NSMCE2: variants seen among roughly 807,000 people sequenced by gnomAD.
NSMCE2 encodes the protein NSE2 SUMO ligase component of SMC5/6 complex.
NSMCE2 carries 24 observed loss-of-function variants against 23.8 expected under a neutral mutation model. The observed-to-expected ratio is 1.01, with a 90% confidence interval of 0.73 to 1.42. NSMCE2 has a LOEUF of 1.42. Ranked by LOEUF, NSMCE2 falls within the 40% of genes most tolerant of loss-of-function variation. NSMCE2 has a pLI of 0.00. For synonymous variants in NSMCE2, 92 were observed against 94.1 expected, an observed-to-expected ratio of 0.98 and a Z score of 0.13; for missense variants, 284 against 296.5, an observed-to-expected ratio of 0.96 and a Z score of 0.31.
chr8:125,305,743 A>T (rs1396281884), intron 5 of NSMCE2, among the ~76,000 whole-genome samples: 1 of 152,158 alleles, frequency 6.6e-6, no homozygotes, highest in Non-Finnish European at 1.5e-5. Flanking sequence ...TCATATACCT[A>T]TATGCAGTGT....
At chr8:125,102,530 C>T in intron 3 of NSMCE2, 43 bp downstream of exon 3, 2 of 1,518,138 alleles carry the variant, frequency 1.3e-6, no homozygotes, top group Non-Finnish European at 1.8e-6. Context: ...TTTGAGGTAA[C>T]ACTGTGTGGT....
At chr8:125,311,841 G>A (rs1306655006) in intron 5 of NSMCE2, among the ~76,000 whole-genome samples, 1 of 152,172 alleles carries the variant, frequency 6.6e-6, no homozygotes, top group South Asian at 2.1e-4. Flanking sequence ...CACTTTGGGA[G>A]GCCAAGGCGG....
At chr8:125,363,793 C>T (rs1422349376) in intron 7 of NSMCE2, among the ~76,000 whole-genome samples, 1 of 152,158 alleles carries the variant, frequency 6.6e-6, no homozygotes, top group Non-Finnish European at 1.5e-5. Context: ...TAGTGTAAAA[C>T]ATTTCTCCAG....
chr8:125,209,269 T>C (rs1315036663), intron 5 of NSMCE2, among the ~76,000 whole-genome samples: 2 of 152,252 alleles, frequency 1.3e-5, no homozygotes, highest in African/African-American at 4.8e-5. Context: ...GTATCTCTGC[T>C]GACGAAGAAG....
chr8:125,138,718 A>C (rs1170212587), intron 3 of NSMCE2, among the ~76,000 whole-genome samples: 1 of 152,164 alleles, frequency 6.6e-6, no homozygotes, highest in Non-Finnish European at 1.5e-5. Flanking sequence ...AAGGAATTTG[A>C]TGATTGTTAT....
At chr8:125,136,594 C>G (rs1820080556) in intron 3 of NSMCE2, among the ~76,000 whole-genome samples, 1 of 152,082 alleles carries the variant, frequency 6.6e-6, no homozygotes, top group Non-Finnish European at 1.5e-5. Flanking sequence ...GAGTTCAGAA[C>G]CAGTTACTCA....
chr8:125,222,800 G>A (rs1300523480), intron 5 of NSMCE2, among the ~76,000 whole-genome samples: 1 of 152,016 alleles, frequency 6.6e-6, no homozygotes, highest in East Asian at 1.9e-4. Context: ...GCAGTGGCAC[G>A]ACCTGTAATC....
chr8:125,115,202 C>T (rs761913891), intron 3 of NSMCE2, among the ~76,000 whole-genome samples: 78 of 152,276 alleles, frequency 5.1e-4, no homozygotes, highest in Middle Eastern at 3.4e-3. Flanking sequence ...ATTGACTCCA[C>T]CCATGGAAAT....
At chr8:125,262,648 A>C (rs1826743547) in intron 5 of NSMCE2, among the ~76,000 whole-genome samples, 1 of 152,190 alleles carries the variant, frequency 6.6e-6, no homozygotes, top group Non-Finnish European at 1.5e-5. Flanking sequence ...CAATGCTTTT[A>C]GCTCCACAAT....
intron 3 of NSMCE2, 137 bp downstream of exon 3, chr8:125,102,624 C>G (rs1256677433): frequency 7.5e-6 from 5 of 664,548 alleles, no homozygotes; most frequent in Middle Eastern, 4.1e-4. Flanking sequence ...TTTTATTCTA[C>G]ACACCGCAGC....
chr8:125,267,007 T>C (rs1002611394), intron 5 of NSMCE2, among the ~76,000 whole-genome samples: 3 of 140,974 alleles, frequency 2.1e-5, no homozygotes, highest in Non-Finnish European at 3.1e-5. Context: ...TTCTTTCTTT[T>C]TTTTTTTTTT....
At chr8:125,115,426 A>G (rs530832843) in intron 3 of NSMCE2, among the ~76,000 whole-genome samples, 2 of 152,314 alleles carry the variant, frequency 1.3e-5, no homozygotes, top group South Asian at 2.1e-4. Flanking sequence ...ACATTGATTT[A>G]TGTCTTGGAA....
intron 5 of NSMCE2, among the ~76,000 whole-genome samples, chr8:125,216,854 AGT>A (rs1824610026): frequency 6.6e-6 from 1 of 152,220 alleles, no homozygotes; most frequent in African/African-American, 2.4e-5. Flanking sequence ...TAGTGAAATC[AGT>A]GATCAAGGGA....
chr8:125,304,869 C>G (rs1828692358), intron 5 of NSMCE2, among the ~76,000 whole-genome samples: 1 of 129,556 alleles, frequency 7.7e-6, no homozygotes, highest in African/African-American at 3.0e-5. Context: ...GCCTGGGCAA[C>G]AGAGCCAGAC....
chr8:125,141,434 G>A (rs1036356508), intron 3 of NSMCE2, among the ~76,000 whole-genome samples: 44 of 152,198 alleles, frequency 2.9e-4, no homozygotes, highest in African/African-American at 9.6e-4. Context: ...CAGTCTTGAG[G>A]TCAGTCATAA....
intron 5 of NSMCE2, among the ~76,000 whole-genome samples, chr8:125,309,031 G>T (rs144116993): frequency 0.1 from 15,523 of 152,054 alleles, 862 homozygotes; most frequent in Non-Finnish European, 0.13. Context: ...GATCACCTGA[G>T]GTCAAGAGTT....
At chr8:125,222,199 A>T (rs964682501) in intron 5 of NSMCE2, among the ~76,000 whole-genome samples, 4 of 152,096 alleles carry the variant, frequency 2.6e-5, no homozygotes, top group African/African-American at 9.7e-5. Context: ...GATTAGGTAT[A>T]AGGATGTCAT....
intron 4 of NSMCE2, among the ~76,000 whole-genome samples, chr8:125,174,481 A>G (rs988137233): frequency 2.6e-5 from 4 of 152,198 alleles, no homozygotes; most frequent in Non-Finnish European, 4.4e-5. Context: ...TGGTCATCGT[A>G]TTATAGTGGG....
chr8:125,226,627 G>A lies in NSMCE2; in HGVS notation c.418+44371G>A, dbSNP rs77684077. On this transcript the variant is annotated intron_variant, in intron 5 of 7. Coordinates refer to ENST00000287437, the MANE Select transcript of NSMCE2 (RefSeq NM_173685.4). ...TCTCACTTTCTGACTCCTGGAGGAC[G>A]AAACGCCACTTGTCTGAGAGGGAGT... Among the ~76,000 whole-genome samples the A allele has an allele frequency of 7.9e-3, 1,200 of 152,286 alleles. 8 individuals are homozygous for A. Among genetic ancestry groups the A allele is most frequent in the Non-Finnish European group, 8.7e-3 (594 of 68,024 alleles).
Sources: gnomAD v4.1 joint callset for allele counts (sites outside exome capture counted in the v4.1 genomes callset) on GRCh38, gnomAD v4.1.1 for gene constraint, MANE v1.5 for transcripts, NCBI Gene and HGNC (gene_info 2026-07-23, HGNC 2026-07-21) for gene names.